CCDC181: variants seen among roughly 807,000 people sequenced by gnomAD.
The protein encoded by CCDC181 is coiled-coil domain containing 181, also known as coiled-coil domain-containing protein 181.
CCDC181 carries 35 observed loss-of-function variants against 58.7 expected under a neutral mutation model. That is an observed-to-expected ratio of 0.60 (90% CI 0.46 to 0.79). CCDC181 has a LOEUF of 0.79. CCDC181 is among the 30% of genes least tolerant of loss of function. CCDC181 has a pLI of 0.00. For synonymous variants in CCDC181, 183 were observed against 197.5 expected, an observed-to-expected ratio of 0.93 and a Z score of 0.62; for missense variants, 517 against 583.9, an observed-to-expected ratio of 0.89 and a Z score of 1.18.
rs892901168 is a variant in CCDC181 at position 169,422,271 on chromosome 1, CTT to C, written c.158_159del (p.Lys53ArgfsTer3). ...GTGTGCTCCATTACTGTCTCATTCT[CTT>C]TTAAGTCTTGGTTAATATTCTCTTC... is the stretch of plus-strand genomic sequence containing the variant. Reference protein sequence around the residue: ...EKEENINQDLKENETVMEHTK... With the variant: ...EKEENINQDLXENETVMEHTK... On this transcript the variant is annotated frameshift_variant, in exon 3 of 6. Transcript: ENST00000367806. LOFTEE classifies it high-confidence loss of function. 2 of 1,589,274 alleles carry C rather than the reference CTT, an allele frequency of 1.3e-6. No homozygotes were observed. Among genetic ancestry groups the C allele is most frequent in the African/African-American group, 2.7e-5 (2 of 74,370 alleles).
Position 169,439,916 on chromosome 1 carries a change from CCTTCT to C in CCDC181, c.-23-14971_-23-14967del, listed in dbSNP as rs533483069. The stretch of plus-strand genomic sequence containing the variant: ...GAACTCCTCTCAACGTTCAGATGCT[CCTTCT>C]CTTCTCTTCTCTTCTTCTCTGCTGC... On this transcript the variant is annotated intron_variant, in intron 2 of 6. Transcript: ENST00000545005. 4.5e-3 allele frequency among the ~76,000 whole-genome samples: 685 copies of C among 152,150 alleles called. 5 individuals carry two copies. Among genetic ancestry groups the C allele is most frequent in the African/African-American group, 0.016 (649 of 41,496 alleles).
intron 3 of CCDC181, among the ~76,000 whole-genome samples, chr1:169,420,163 CACAT>C (rs1273831250): frequency 1.3e-5 from 2 of 152,164 alleles, no homozygotes; most frequent in Non-Finnish European, 2.9e-5. Context: ...TAAAAATATA[CACAT>C]ACCTACACAT....
chr1:169,399,703 T>C (rs899692524), intron 4 of CCDC181, among the ~76,000 whole-genome samples: 2 of 152,220 alleles, frequency 1.3e-5, no homozygotes, highest in African/African-American at 2.4e-5. Flanking sequence ...CATGATATCA[T>C]AATTGGTATC....
At chr1:169,410,099 TAG>T (rs1297387304) in intron 4 of CCDC181, among the ~76,000 whole-genome samples, 1 of 150,292 alleles carries the variant, frequency 6.7e-6, no homozygotes, top group East Asian at 2.0e-4. Flanking sequence ...GCAAATCGGA[TAG>T]AGTCAAGACC....
At chr1:169,452,434 T>C (rs1221439022) in intron 2 of CCDC181, 1 of 152,026 alleles carries the variant, frequency 6.6e-6, no homozygotes, top group Non-Finnish European at 1.5e-5. Context: ...CTGACAGTTC[T>C]TTTCAAGGAG....
At chr1:169,399,544 T>C (rs188543926) in intron 4 of CCDC181, among the ~76,000 whole-genome samples, 25 of 152,100 alleles carry the variant, frequency 1.6e-4, no homozygotes, top group African/African-American at 6.0e-4. Context: ...CAAATAACTC[T>C]CAATAGTGGA....
At chr1:169,414,181 T>A (rs1032689304) in intron 4 of CCDC181, among the ~76,000 whole-genome samples, 20 of 152,114 alleles carry the variant, frequency 1.3e-4, no homozygotes, top group Admixed American at 1.0e-3. Flanking sequence ...ATGGTAAGCA[T>A]AACAACACTG....
intron 2 of CCDC181, 45 bp from the exon 3 acceptor site, chr1:169,422,358 A>T (rs758572399): frequency 1.5e-6 from 2 of 1,336,898 alleles, no homozygotes; most frequent in South Asian, 3.3e-5. Context: ...TTCTTCATTT[A>T]TAAGTAGACA....
chr1:169,395,148 TTC>T lies in CCDC181; in HGVS notation c.1427_1428del (p.Arg476AsnfsTer2). ...KMAEQQAVRE[R>X]TRQLRLEAKR... Reference sequence around the variant, plus strand: ...TTAGCTTCTAGTCGGAGCTGTCTAGTTCTCTCTCTGACAGCTTGTTGCTCTGC... The same window carrying T: ...TTAGCTTCTAGTCGGAGCTGTCTAGTTCTCTCTGACAGCTTGTTGCTCTGC... On this transcript the variant is annotated frameshift_variant, in exon 6 of 6. Transcript: ENST00000367806. LOFTEE classifies it high-confidence loss of function. The T allele has an allele frequency of 1.2e-6, 2 of 1,613,578 alleles. No homozygotes were observed. Among genetic ancestry groups the T allele is most frequent in the African/African-American group, 1.3e-5 (1 of 75,044 alleles).
chr1:169,400,058 A>G (rs1212138102), intron 4 of CCDC181, among the ~76,000 whole-genome samples: 1 of 151,782 alleles, frequency 6.6e-6, no homozygotes, highest in African/African-American at 2.4e-5. Context: ...GTGTAGAGTG[A>G]GGCTCTGTAA....
chr1:169,398,371 CAT>C (rs1468297693), intron 4 of CCDC181, among the ~76,000 whole-genome samples: 3 of 152,094 alleles, frequency 2.0e-5, no homozygotes, highest in African/African-American at 7.2e-5. Flanking sequence ...TGTATCAAAA[CAT>C]CACACTGTAC....
At chr1:169,439,342 C>T (rs886394278) in intron 2 of CCDC181, among the ~76,000 whole-genome samples, 1 of 152,238 alleles carries the variant, frequency 6.6e-6, no homozygotes, top group African/African-American at 2.4e-5. Context: ...TACAGAGAGA[C>T]ACCCTGTGAT....
chr1:169,422,151 G>T lies in CCDC181; in HGVS notation c.280C>A (p.Pro94Thr). 1 of 1,613,576 alleles carries T rather than the reference G, an allele frequency of 6.2e-7. No individual in the cohort carries two copies. Residue 94 changes from proline (P) to threonine (T), a missense_variant, in exon 3 of 6, where the codon CCC becomes ACC. Pro to Thr is a conservative substitution (Grantham distance 38). Coordinates refer to ENST00000367806, the MANE Select transcript of CCDC181 (RefSeq NM_001300969.2). The part of the protein sequence containing the change: ...ISVPGIQPLD[P>T]ISDSDSENSF... ...TTTTCACTATCTGAATCTGATATGG[G>T]ATCCAAAGGTTGAATACCTGGTACA...
intron 2 of CCDC181, among the ~76,000 whole-genome samples, chr1:169,447,374 A>G (rs1343708005): frequency 6.6e-6 from 1 of 152,138 alleles, no homozygotes; most frequent in Non-Finnish European, 1.5e-5. Context: ...CAGCCTCCCA[A>G]AATGCTGGGA....
Position 169,421,345 on chromosome 1 carries a change from G to C in CCDC181, c.1068+18C>G, listed in dbSNP as rs138227471. On this transcript the variant is annotated intron_variant, in intron 3 of 5. Coordinates refer to ENST00000367806, the MANE Select transcript of CCDC181 (RefSeq NM_001300969.2). Reference sequence around the variant, plus strand: ...AAACATACTCTACTTTTAATATAATGCCCACTTAGGTTCTCACCTCTCTTT... The same window carrying C: ...AAACATACTCTACTTTTAATATAATCCCCACTTAGGTTCTCACCTCTCTTT... 3.9e-6 allele frequency: 6 copies of C among 1,536,710 alleles called. No individual in the cohort carries two copies. The highest frequency in any genetic ancestry group is 2.7e-5 in the African/African-American group (2 of 72,804).
chr1:169,404,595 C>G (rs139434466), intron 4 of CCDC181, among the ~76,000 whole-genome samples: 1 of 151,872 alleles, frequency 6.6e-6, no homozygotes, highest in Non-Finnish European at 1.5e-5. Context: ...AAAAGGCCTT[C>G]GAAAAAATTC....
chr1:169,421,366 T>C lies in CCDC181; in HGVS notation c.1065A>G (p.Arg355=), dbSNP rs763683265. The change falls in exon 3 of 6, where the codon AGA becomes AGG. Residue 355 remains arginine (R), a synonymous_variant. Transcript: ENST00000367806. ...QLEEKREKLK[R]EEERRKIEEE... Reference sequence around the variant, plus strand: ...TAATGCCCACTTAGGTTCTCACCTCTCTTTTCAGTTTTTCTCTCTTTTCTT... The same window carrying C: ...TAATGCCCACTTAGGTTCTCACCTCCCTTTTCAGTTTTTCTCTCTTTTCTT... 1 of 1,601,456 alleles carries C rather than the reference T, an allele frequency of 6.2e-7. No individual in the cohort carries two copies. The highest frequency in any genetic ancestry group is 1.7e-4 in the Middle Eastern group (1 of 6,026).
chr1:169,418,513 A>T (rs992418481), intron 4 of CCDC181, among the ~76,000 whole-genome samples: 9 of 151,392 alleles, frequency 5.9e-5, no homozygotes, highest in African/African-American at 2.2e-4. Flanking sequence ...TTTAAATTTT[A>T]TTATTATTAT....
At chr1:169,446,893 G>A (rs1657391993) in intron 2 of CCDC181, among the ~76,000 whole-genome samples, 1 of 152,100 alleles carries the variant, frequency 6.6e-6, no homozygotes, top group Admixed American at 6.5e-5. Flanking sequence ...TCTAAACATT[G>A]CTTTTGTTGC....
Sources: gnomAD v4.1 joint callset for allele counts (sites outside exome capture counted in the v4.1 genomes callset) on GRCh38, gnomAD v4.1.1 for gene constraint, MANE v1.5 for transcripts, NCBI Gene and HGNC (gene_info 2026-07-23, HGNC 2026-07-21) for gene names.